The following OR5A1 variants were observed in gnomAD, a reference collection of about 807,000 sequenced individuals.
OR5A1 encodes the protein olfactory receptor family 5 subfamily A member 1.
In OR5A1, 6 loss-of-function variants were observed where a neutral mutation model predicts 6.7. The observed-to-expected ratio is 0.89, with a 90% CI of 0.49 to 1.76. The LOEUF is 1.76. Among genes scored for constraint, OR5A1 ranks in the 40% most tolerant of loss-of-function variants. The probability of loss-of-function intolerance (pLI) is 0.01; values close to 1 mark genes in which losing one functional copy is unlikely to be tolerated. For synonymous variants in OR5A1, 170 were observed against 155.0 expected (o/e 1.10, Z -0.72); for missense variants, 378 against 381.7 (o/e 0.99, Z 0.08).
intron 1 of OR5A1, among the ~76,000 whole-genome samples, chr11:59,437,973 T>C (rs1409345639): frequency 6.6e-6 from 1 of 152,188 alleles, no homozygotes; most frequent in East Asian, 1.9e-4. Context: ...TGCTATCCCC[T>C]TGGTGATTAG....
In OR5A1 at chr11:59,443,718, C is replaced by A; in HGVS notation, c.550C>A (p.Leu184Ile). 6.2e-7 allele frequency: 1 copy of A among 1,614,138 alleles called. No individual in the cohort carries two copies. The highest frequency in any genetic ancestry group is 2.2e-5 in the East Asian group (1 of 44,884). Reference protein sequence around the residue: ...PNIINHFFCDLPPVLALSCSD... With the variant: ...PNIINHFFCDIPPVLALSCSD... ...CATCATCAACCACTTCTTCTGCGAC[C>A]TCCCACCAGTCCTGGCTCTGTCTTG... Residue 184 changes from leucine (L) to isoleucine (I), a missense_variant, in exon 2 of 2, where the codon CTC becomes ATC. Coordinates refer to ENST00000641045, the MANE Select transcript of OR5A1 (RefSeq NM_001004728.2).
At position 59,445,780 on chromosome 11, in the gene OR5A1, CAT is replaced by C. The variant is rs1377093324; in HGVS notation, c.*1667_*1668del. On this transcript the variant is annotated 3_prime_UTR_variant, in exon 2 of 2. Transcript: ENST00000641045. ...TAATTAGTGATGTTGAGCTTTTTTT[CAT>C]ATGTTTGTTGGCCATACAAATGTCT... 1.3e-5 allele frequency: 2 copies of C among 151,956 alleles called. No individual in the cohort carries two copies. The highest frequency in any genetic ancestry group is 2.9e-5 in the Non-Finnish European group (2 of 67,980). The allele number at this position is 151,956 out of a possible 1,614,324, so 9.4% of individuals were successfully genotyped here.
At chr11:59,442,517 GA>G (rs1858492548) in intron 1 of OR5A1, among the ~76,000 whole-genome samples, 1 of 152,086 alleles carries the variant, frequency 6.6e-6, no homozygotes, top group Non-Finnish European at 1.5e-5. Flanking sequence ...AGATAAATTT[GA>G]AATTCAACCT....
chr11:59,442,017 A>T (rs147872192), intron 1 of OR5A1, among the ~76,000 whole-genome samples: 303 of 152,312 alleles, frequency 2.0e-3, no homozygotes, highest in African/African-American at 7.0e-3. Flanking sequence ...CAGATCCTAT[A>T]ACAAAGTAAA....
rs1477045864 is a variant in OR5A1 at position 59,444,058 on chromosome 11, A to T, written c.890A>T (p.Asn297Ile). Residue 297 changes from asparagine (N) to isoleucine (I), a missense_variant, in exon 2 of 2, where the codon AAC (asparagine) becomes ATC (isoleucine). Coordinates refer to ENST00000641045, the MANE Select transcript of OR5A1 (RefSeq NM_001004728.2). ...AACCCTCTCATTTACAGTTTGAGGAACAAAGAGATCAAGGATGCCCTGTGG... is the reference window on the plus strand; with the variant it reads ...AACCCTCTCATTTACAGTTTGAGGATCAAAGAGATCAAGGATGCCCTGTGG... Reference protein sequence around the residue: ...MLNPLIYSLRNKEIKDALWKV... With the variant: ...MLNPLIYSLRIKEIKDALWKV... 6.2e-7 allele frequency: 1 copy of T among 1,614,128 alleles called. No homozygotes were observed. The highest frequency in any genetic ancestry group is 1.3e-5 in the African/African-American group (1 of 75,028).
At chr11:59,440,885 A>G (rs549468277) in intron 1 of OR5A1, among the ~76,000 whole-genome samples, 5 of 152,312 alleles carry the variant, frequency 3.3e-5, no homozygotes, top group Non-Finnish European at 7.3e-5. Flanking sequence ...ACTCTGCACA[A>G]ATGACAGCAT....
chr11:59,445,418 ATTTGGGTTGATTCC>A lies in OR5A1; in HGVS notation c.*1303_*1316del, dbSNP rs1305858652. 1 of 152,112 alleles carries A rather than the reference ATTTGGGTTGATTCC, an allele frequency of 6.6e-6. No homozygotes were observed. Among genetic ancestry groups the A allele is most frequent in the Non-Finnish European group, 1.5e-5 (1 of 68,006 alleles). The allele number at this position is 152,112 out of a possible 1,614,324, so 9.4% of individuals were successfully genotyped here. ...TTTATCCAGTCTCTCATTGATGGGA[ATTTGGGTTGATTCC>A]ATGTCTTTGCTATTGTGAATAGTGC... On this transcript the variant is annotated 3_prime_UTR_variant, in exon 2 of 2. Transcript: ENST00000641045.
chr11:59,443,416 A>G lies in OR5A1; in HGVS notation c.248A>G (p.Asn83Ser), dbSNP rs1479997441. Residue 83 changes from asparagine (N) to serine (S), a missense_variant, in exon 2 of 2, where the codon AAT becomes AGT. Asn to Ser is a conservative substitution (Grantham distance 46). Coordinates refer to ENST00000641045, the MANE Select transcript of OR5A1 (RefSeq NM_001004728.2). The part of the protein sequence containing the change: ...DICYSSAVAP[N>S]MLTDFFWEQK... ...TGCTACTCTTCTGCTGTGGCTCCCAATATGCTCACTGACTTCTTCTGGGAG... is the reference window on the plus strand; with the variant it reads ...TGCTACTCTTCTGCTGTGGCTCCCAGTATGCTCACTGACTTCTTCTGGGAG... 8 of 1,613,680 alleles carry G rather than the reference A, an allele frequency of 5.0e-6. No homozygotes were observed. Among genetic ancestry groups the G allele is most frequent in the African/African-American group, 2.7e-5 (2 of 74,876 alleles).
In OR5A1 at chr11:59,444,131, C is replaced by A; in HGVS notation, c.*15C>A. 1.3e-6 allele frequency: 2 copies of A among 1,538,290 alleles called. No homozygotes were observed. The highest frequency in any genetic ancestry group is 1.8e-6 in the Non-Finnish European group (2 of 1,115,952). On this transcript the variant is annotated 3_prime_UTR_variant, in exon 2 of 2. Coordinates refer to ENST00000641045, the MANE Select transcript of OR5A1 (RefSeq NM_001004728.2). ...TGTTTTCTTAGGTCATGCGTAGAAA[C>A]TTATTTATCCAAACTGCTGGAGAAT...
rs568290928 is a variant in OR5A1, at chr11:59,438,235, A to C, written c.-34+1400A>C. Among the ~76,000 whole-genome samples, 12 of 152,308 alleles carry C rather than the reference A, an allele frequency of 7.9e-5. No homozygotes were observed. The South Asian group carries it at 2.3e-3, about 29-fold the overall frequency. On this transcript the variant is annotated intron_variant, in intron 1 of 1. Transcript: ENST00000641045. Reference sequence around the variant, plus strand: ...TCAGGTAGTCCTGAAAAACGGCCTAATACACTATTCTATATTGTCTTAAAT... The same window carrying C: ...TCAGGTAGTCCTGAAAAACGGCCTACTACACTATTCTATATTGTCTTAAAT...
intron 1 of OR5A1, among the ~76,000 whole-genome samples, chr11:59,438,139 C>G (rs997218449): frequency 6.6e-6 from 1 of 152,152 alleles, no homozygotes; most frequent in Non-Finnish European, 1.5e-5. Flanking sequence ...CAGATGCCAG[C>G]GCCACACTTC....
At chr11:59,437,908 G>A (rs949444559) in intron 1 of OR5A1, among the ~76,000 whole-genome samples, 20 of 152,286 alleles carry the variant, frequency 1.3e-4, no homozygotes, top group Non-Finnish European at 2.4e-4. Flanking sequence ...TGTTGGAGGC[G>A]GGGCCTGGTA....
chr11:59,443,120 G>C lies in OR5A1; in HGVS notation c.-33-16G>C. ...GCTAATACCACCTATAATGTGGACT[G>C]TCATTACTATCCCAGGTCTGCATCT... is the stretch of plus-strand genomic sequence containing the variant. On this transcript the variant is annotated splice_polypyrimidine_tract_variant and intron_variant, in intron 1 of 1. Transcript: ENST00000641045. 7.0e-7 allele frequency: 1 copy of C among 1,437,464 alleles called. No individual in the cohort carries two copies. The highest frequency in any genetic ancestry group is 1.4e-5 in the African/African-American group (1 of 71,578). The allele number at this position is 1,437,464 out of a possible 1,614,324, so 89.0% of individuals were successfully genotyped here. A position where few individuals can be genotyped will look rare whatever the true frequency, so the allele number is the denominator to read the frequency against.
chr11:59,449,875 T>A lies in OR5A1; in HGVS notation c.*5759T>A, dbSNP rs1858597529. On this transcript the variant is annotated 3_prime_UTR_variant, in exon 2 of 2. Coordinates refer to ENST00000641045, the MANE Select transcript of OR5A1 (RefSeq NM_001004728.2). ...TCTTCAAAAAGAATTATTGAATAACTGCTATGTTCCAGGTAGGAGCTGGGG... is the reference window on the plus strand; with the variant it reads ...TCTTCAAAAAGAATTATTGAATAACAGCTATGTTCCAGGTAGGAGCTGGGG... 1 of 152,174 alleles carries A rather than the reference T, an allele frequency of 6.6e-6. No homozygotes were observed. Among genetic ancestry groups the A allele is most frequent in the Non-Finnish European group, 1.5e-5 (1 of 68,030 alleles). 9.4% of individuals were successfully genotyped at this position (152,174 alleles called of 1,614,324 possible).
rs747472042 is a variant in OR5A1, at chr11:59,444,489, G to A, written c.*373G>A. The stretch of plus-strand genomic sequence containing the variant: ...GAACTATCTGTATGTTACAAAATAA[G>A]GAAACAGTGTGTCAGCAAGGAAAAT... On this transcript the variant is annotated 3_prime_UTR_variant, in exon 2 of 2. Transcript: ENST00000641045. The A allele has an allele frequency of 6.3e-6, 1 of 159,114 alleles. No homozygotes were observed. Among genetic ancestry groups the A allele is most frequent in the Non-Finnish European group, 1.4e-5 (1 of 72,482 alleles). The allele number at this position is 159,114 out of a possible 1,614,324, so 9.9% of individuals were successfully genotyped here.
chr11:59,440,656 T>C (rs1056670992), intron 1 of OR5A1, among the ~76,000 whole-genome samples: 1 of 152,230 alleles, frequency 6.6e-6, no homozygotes. Flanking sequence ...AGAGCTCTTC[T>C]TGTTTTAGCT....
At chr11:59,441,938 TGATA>T (rs3033264) in intron 1 of OR5A1, among the ~76,000 whole-genome samples, 31,982 of 147,894 alleles carry the variant, frequency 0.22, 3,467 homozygotes, top group Middle Eastern at 0.25. Flanking sequence ...GATAGAGAGA[TGATA>T]GATAGATAGA....
intron 1 of OR5A1, among the ~76,000 whole-genome samples, chr11:59,438,157 G>C (rs1858442895): frequency 6.6e-6 from 1 of 152,112 alleles, no homozygotes; most frequent in South Asian, 2.1e-4. Context: ...TTCTTGTACT[G>C]TCTGCCGAAC....
rs1858515561 is a variant in OR5A1 at position 59,443,823 on chromosome 11, A to G, written c.655A>G (p.Ile219Val). 1 of 1,613,950 alleles carries G rather than the reference A, an allele frequency of 6.2e-7. No homozygotes were observed. The highest frequency in any genetic ancestry group is 8.5e-7 in the Non-Finnish European group (1 of 1,179,984). ...AGGAACATCGTTCCTCCAACTCCTT[A>G]TCTCCTATGGTTACATAGTGTCTGC... ...VGGTSFLQLL[I>V]SYGYIVSAVL... Residue 219 changes from isoleucine to valine, a missense_variant, in exon 2 of 2, where the codon ATC (isoleucine) becomes GTC (valine). Ile to Val is a conservative substitution (Grantham distance 29). Transcript: ENST00000641045.
Sources: gnomAD v4.1 joint callset for allele counts (sites outside exome capture counted in the v4.1 genomes callset) on GRCh38, gnomAD v4.1.1 for gene constraint, MANE v1.5 for transcripts, NCBI Gene and HGNC (gene_info 2026-07-23, HGNC 2026-07-21) for gene names.